PEDS1: variants seen among roughly 807,000 people sequenced by gnomAD.
PEDS1 encodes CarF homolog.
Under a neutral mutation model 35.2 loss-of-function variants are expected in PEDS1, and 14 were observed. The ratio of observed to expected loss-of-function variants is 0.40; its 90% CI spans 0.26 to 0.62. PEDS1 has a LOEUF of 0.62. Among genes scored for constraint, PEDS1 ranks in the 20% least tolerant of loss-of-function variants. The probability of loss-of-function intolerance (pLI) is 0.44; values close to 1 mark genes in which losing one functional copy is unlikely to be tolerated. For synonymous variants in PEDS1, 152 were observed against 152.0 expected (o/e 1.00, Z 0.00); for missense variants, 260 against 367.8 (o/e 0.71, Z 2.40).
At position 50,129,472 on chromosome 20, in the gene PEDS1, C is replaced by G. The variant is rs577529806; in HGVS notation, c.478+74G>C. On this transcript the variant is annotated intron_variant, in intron 4 of 5. Coordinates refer to ENST00000371652, the MANE Select transcript of PEDS1 (RefSeq NM_199129.4). This position sits in a 1 kb window ranked among gnomAD's most constrained non-coding sequence, Gnocchi z 4.2. The stretch of plus-strand genomic sequence containing the variant: ...TACCATAAGGAGCCAAACACATAAG[C>G]CCCAGAAGGCTCCTGGGGGTCGGCC... The G allele has an allele frequency of 3.8e-5, 60 of 1,591,346 alleles. 1 individual carries two copies. The South Asian group carries it at 4.1e-4, about 11-fold the overall frequency.
Position 50,134,678 on chromosome 20 carries a change from C to G in PEDS1, c.242-3731G>C, listed in dbSNP as rs76461846. On this transcript the variant is annotated intron_variant, in intron 2 of 5. Coordinates refer to ENST00000371652, the MANE Select transcript of PEDS1 (RefSeq NM_199129.4). ...GGTTCCTTGTTCCCCGAGTTCTGGGCTCCTGATGAGATGGGGACAAGCCCC... is the reference window on the plus strand; with the variant it reads ...GGTTCCTTGTTCCCCGAGTTCTGGGGTCCTGATGAGATGGGGACAAGCCCC... Among the ~76,000 whole-genome samples, 228 of 152,310 alleles carry G rather than the reference C, an allele frequency of 1.5e-3. 1 individual carries two copies. The highest frequency in any genetic ancestry group is 5.3e-3 in the African/African-American group (219 of 41,572).
At chr20:50,153,377 T>G in intron 1 of PEDS1, 140 bp downstream of exon 1, 1 of 1,208,320 alleles carries the variant, frequency 8.3e-7, no homozygotes. Flanking sequence ...TGGGGTGGGG[T>G]CCCCGAACTT....
At chr20:50,152,435 G>A (rs1374571550) in intron 1 of PEDS1, among the ~76,000 whole-genome samples, 1 of 152,180 alleles carries the variant, frequency 6.6e-6, no homozygotes, top group Non-Finnish European at 1.5e-5. Context: ...CCAGGTAGAG[G>A]TGCCTCCCAG....
At chr20:50,127,900 T>A in intron 5 of PEDS1, 75 bp downstream of exon 5, 1 of 1,533,864 alleles carries the variant, frequency 6.5e-7, no homozygotes, top group Non-Finnish European at 8.7e-7. Flanking sequence ...TGCTGTGATC[T>A]CTGCCCTCCT....
At chr20:50,131,158 C>A (rs760870483) in intron 2 of PEDS1, 24 of 1,248,912 alleles carry the variant, frequency 1.9e-5, no homozygotes, top group Non-Finnish European at 2.7e-5. Flanking sequence ...TGCCAAGACT[C>A]ATGTGCTTGG....
rs1312205281 is a variant in PEDS1 at position 50,125,169 on chromosome 20, G to A, written c.702C>T (p.Asn234=). The A allele has an allele frequency of 6.2e-7, 1 of 1,613,848 alleles. No individual in the cohort carries two copies. The highest frequency in any genetic ancestry group is 1.3e-5 in the African/African-American group (1 of 74,928). ...AGAAGCCTATCTTCTCCAGAGGGTA[G>A]TTGAGCCAGCCTGCAGTAGAAATGG... ...TYFCITTGWL[N]YPLEKIGFWR... is the part of the protein sequence containing the mutation. Residue 234 remains asparagine (N), a synonymous_variant, in exon 6 of 6, where the codon AAC becomes AAT. Coordinates refer to ENST00000371652, the MANE Select transcript of PEDS1 (RefSeq NM_199129.4).
At chr20:50,134,925 G>A (rs1305886870) in intron 2 of PEDS1, among the ~76,000 whole-genome samples, 2 of 152,156 alleles carry the variant, frequency 1.3e-5, no homozygotes, top group Non-Finnish European at 2.9e-5. Flanking sequence ...GCTCACACCT[G>A]TAATCCCAGC....
chr20:50,129,882 C>T lies in PEDS1; in HGVS notation c.334-192G>A, dbSNP rs906842008. Reference sequence around the variant, plus strand: ...CCCATCCAGCCTTTGGGGAGATGAGCCGAAATGACCCTGGAAGGGCTTTGG... The same window carrying T: ...CCCATCCAGCCTTTGGGGAGATGAGTCGAAATGACCCTGGAAGGGCTTTGG... On this transcript the variant is annotated intron_variant, in intron 3 of 5. Transcript: ENST00000371652. The surrounding 1 kb of genome is among the most constrained non-coding windows in gnomAD (Gnocchi z 4.2). 2.6e-5 allele frequency among the ~76,000 whole-genome samples: 4 copies of T among 152,178 alleles called. No individual in the cohort carries two copies. Among genetic ancestry groups the T allele is most frequent in the African/African-American group, 7.2e-5 (3 of 41,440 alleles).
chr20:50,133,188 G>A (rs995344474), intron 2 of PEDS1, among the ~76,000 whole-genome samples: 1 of 152,074 alleles, frequency 6.6e-6, no homozygotes. Flanking sequence ...GCAAGTCACT[G>A]TGAATGTGCA....
chr20:50,143,735 T>G, intron 1 of PEDS1, 114 bp from the exon 2 acceptor site: 1 of 1,458,264 alleles, frequency 6.9e-7, no homozygotes. Context: ...TCTCACTCTA[T>G]CACCCAGGCT....
chr20:50,152,362 C>T (rs1230915877), intron 1 of PEDS1, among the ~76,000 whole-genome samples: 1 of 152,132 alleles, frequency 6.6e-6, no homozygotes, highest in African/African-American at 2.4e-5. Context: ...TTGGTGGCTG[C>T]CCCACAGAAA....
At chr20:50,143,383 G>A in intron 2 of PEDS1, 119 bp downstream of exon 2, 1 of 1,477,086 alleles carries the variant, frequency 6.8e-7, no homozygotes, top group African/African-American at 1.4e-5. Context: ...GGTACTCAAG[G>A]CACATACTGG....
At chr20:50,144,323 C>T (rs900027244) in intron 1 of PEDS1, among the ~76,000 whole-genome samples, 4 of 152,140 alleles carry the variant, frequency 2.6e-5, no homozygotes, top group African/African-American at 7.2e-5. Context: ...CACTTGTCCC[C>T]TTTTGCAGGT....
Position 50,136,534 on chromosome 20 carries a change from C to T in PEDS1, c.242-5587G>A, listed in dbSNP as rs563485860. On this transcript the variant is annotated intron_variant, in intron 2 of 5. Coordinates refer to ENST00000371652, the MANE Select transcript of PEDS1 (RefSeq NM_199129.4). ...GTTCAGGAGTTCGAGACCAGCATGG[C>T]CAACATGGTGAAACCCCATCTCTAC... Among the ~76,000 whole-genome samples the T allele has an allele frequency of 1.7e-4, 25 of 151,502 alleles. 1 individual carries two copies. Among genetic ancestry groups the T allele is most frequent in the Admixed American group, 2.0e-4 (3 of 15,222 alleles).
intron 1 of PEDS1, among the ~76,000 whole-genome samples, chr20:50,148,776 A>C (rs909073298): frequency 1.6e-4 from 25 of 152,068 alleles, no homozygotes; most frequent in Admixed American, 2.0e-4. Context: ...CAGAGGGACA[A>C]ATAAGAGATG....
Position 50,125,044 on chromosome 20 carries a change from C to A in PEDS1, c.*14G>T. On this transcript the variant is annotated 3_prime_UTR_variant, in exon 6 of 6. Transcript: ENST00000371652. The stretch of plus-strand genomic sequence containing the variant: ...CTAGGGAAGGTTGGCAACCAGGTAG[C>A]AGGCTCGGAGAAGTTATTTGATCTT... 1.2e-6 allele frequency: 2 copies of A among 1,612,722 alleles called. No homozygotes were observed. The highest frequency in any genetic ancestry group is 1.1e-5 in the South Asian group (1 of 91,028).
intron 5 of PEDS1, 58 bp from the exon 6 acceptor site, chr20:50,125,237 G>C: frequency 6.3e-7 from 1 of 1,595,866 alleles, no homozygotes. Context: ...GGGGACATTG[G>C]AAGAGAGCTG....
intron 2 of PEDS1, among the ~76,000 whole-genome samples, chr20:50,137,602 G>C (rs913316259): frequency 6.6e-6 from 1 of 152,180 alleles, no homozygotes; most frequent in Non-Finnish European, 1.5e-5. Context: ...GCCAGGCGCG[G>C]TGGCTCACTC....
rs200935124 is a variant in PEDS1, at chr20:50,125,051, G to A, written c.*7C>T. On this transcript the variant is annotated 3_prime_UTR_variant, in exon 6 of 6. Coordinates refer to ENST00000371652, the MANE Select transcript of PEDS1 (RefSeq NM_199129.4). Reference sequence around the variant, plus strand: ...AGGTTGGCAACCAGGTAGCAGGCTCGGAGAAGTTATTTGATCTTCTGGGCC... The same window carrying A: ...AGGTTGGCAACCAGGTAGCAGGCTCAGAGAAGTTATTTGATCTTCTGGGCC... The A allele has an allele frequency of 4.5e-5, 72 of 1,613,420 alleles. No individual in the cohort carries two copies. In the East Asian group the frequency reaches 7.1e-4, roughly 16 times the overall value.
Sources: allele counts gnomAD v4.1 joint callset (sites outside exome capture counted in the v4.1 genomes callset), GRCh38; gene constraint gnomAD v4.1.1; non-coding constraint Gnocchi (gnomAD v3.1); transcripts MANE v1.5; gene names NCBI Gene and HGNC (gene_info 2026-07-23, HGNC 2026-07-21).